DCLRE1C: variants seen among roughly 807,000 people sequenced by gnomAD.
DCLRE1C encodes protein artemis.
In DCLRE1C, 47 loss-of-function variants were observed where a neutral mutation model predicts 61.4. The ratio of observed to expected loss-of-function variants is 0.77; its 90% CI spans 0.61 to 0.98. DCLRE1C has a LOEUF of 0.98. DCLRE1C is among the 50% of genes least tolerant of loss of function. The pLI is 0.00. For missense variants in DCLRE1C, 858 were observed against 816.0 expected (o/e 1.05, Z -0.63); for synonymous variants, 337 against 287.6 (o/e 1.17, Z -1.74).
intron 1 of DCLRE1C, among the ~76,000 whole-genome samples, chr10:14,951,754 G>C (rs1352179485): frequency 1.3e-5 from 2 of 152,106 alleles, no homozygotes; most frequent in African/African-American, 4.8e-5. Context: ...TCTCTTGTAA[G>C]GAAACTAATC....
chr10:14,918,269 G>C (rs1836531250), intron 13 of DCLRE1C, among the ~76,000 whole-genome samples: 1 of 152,188 alleles, frequency 6.6e-6, no homozygotes, highest in South Asian at 2.1e-4. Flanking sequence ...GCAACTTGTA[G>C]TATATCCCTG....
At chr10:14,936,684 G>T (rs1204882519) in intron 4 of DCLRE1C, 91 bp from the exon 5 acceptor site, 1 of 850,674 alleles carries the variant, frequency 1.2e-6, no homozygotes, top group African/African-American at 1.7e-5. Flanking sequence ...ACACATTTAT[G>T]TACCTTTTAA....
chr10:14,901,096 C>G (rs754481134), downstream of DCLRE1C: 4 of 1,608,834 alleles, frequency 2.5e-6, no homozygotes, highest in South Asian at 4.4e-5. Context: ...TTGTTTACAC[C>G]GTTTGTACTT....
intron 1 of DCLRE1C, 54 bp downstream of exon 1, chr10:14,953,848 C>T: frequency 6.2e-7 from 1 of 1,608,814 alleles, no homozygotes; most frequent in Non-Finnish European, 8.5e-7. Flanking sequence ...CCCCTCCTGT[C>T]CTCTCTCCAG....
downstream of DCLRE1C, chr10:14,901,393 A>C (rs1833994357): frequency 2.6e-5 from 31 of 1,210,672 alleles, no homozygotes; most frequent in South Asian, 4.2e-4. Context: ...TAAGTTTGTC[A>C]TCCTAAGGTA....
chr10:14,945,226 C>G (rs371474159), intron 2 of DCLRE1C, 37 bp from the exon 3 acceptor site: 16 of 1,575,778 alleles, frequency 1.0e-5, no homozygotes, highest in South Asian at 4.5e-5. Flanking sequence ...CAGTACAATC[C>G]AAAATGAGCC....
intron 13 of DCLRE1C, among the ~76,000 whole-genome samples, chr10:14,917,978 A>AT (rs766984939): frequency 2.6e-5 from 4 of 152,236 alleles, no homozygotes; most frequent in Non-Finnish European, 4.4e-5. Flanking sequence ...CTGCACACCT[A>AT]TTAGGATATT....
At chr10:14,934,314 C>T in intron 8 of DCLRE1C, 66 bp downstream of exon 8, 2 of 1,562,952 alleles carry the variant, frequency 1.3e-6, no homozygotes, top group Non-Finnish European at 1.7e-6. Flanking sequence ...GGCAACATAG[C>T]AAGACTCCCT....
intron 4 of DCLRE1C, among the ~76,000 whole-genome samples, chr10:14,939,544 T>C (rs1564455727): frequency 6.6e-6 from 1 of 151,988 alleles, no homozygotes; most frequent in Non-Finnish European, 1.5e-5. Context: ...GCAACAAGTG[T>C]CTATTGTATA....
intron 10 of DCLRE1C, among the ~76,000 whole-genome samples, chr10:14,927,240 C>T (rs962957410): frequency 4.6e-5 from 7 of 151,958 alleles, no homozygotes; most frequent in African/African-American, 9.7e-5. Context: ...AAAGTTAGCT[C>T]GGCATGGTGG....
chr10:14,934,938 T>C (rs991816625), intron 6 of DCLRE1C, among the ~76,000 whole-genome samples, 163 bp from the exon 7 acceptor site: 7 of 152,138 alleles, frequency 4.6e-5, no homozygotes, highest in African/African-American at 1.7e-4. Flanking sequence ...TTCTCCTACC[T>C]CAGCCTCCCA....
intron 9 of DCLRE1C, among the ~76,000 whole-genome samples, chr10:14,929,662 T>TA: frequency 6.6e-6 from 1 of 150,866 alleles, no homozygotes; most frequent in South Asian, 2.1e-4. Flanking sequence ...TAATTCAAAT[T>TA]AAAAAGTTTT....
downstream of DCLRE1C, among the ~76,000 whole-genome samples, chr10:14,901,675 G>GA (rs1175440700): frequency 6.6e-6 from 1 of 151,464 alleles, no homozygotes; most frequent in East Asian, 1.9e-4. Flanking sequence ...TACAAAATAT[G>GA]AAAAAACTAG....
chr10:14,928,076 C>A lies in DCLRE1C; in HGVS notation c.857G>T (p.Ser286Ile), dbSNP rs1040617570. The change falls in exon 10 of 14, where the codon AGC becomes ATC. Residue 286 changes from serine (S) to isoleucine (I), a missense_variant. This residue lies in a region of DCLRE1C where 843 missense variants were observed against 783.5 expected (regional missense o/e 1.08). Coordinates refer to ENST00000378278, the MANE Select transcript of DCLRE1C (RefSeq NM_001033855.3). ...SRNRIPLHII[S>I]IKPSTMWFGE... ...AAACCACATGGTGGATGGCTTAATGCTGATTATGTGGAGTGGAATTCTATT... is the reference window on the plus strand; with the variant it reads ...AAACCACATGGTGGATGGCTTAATGATGATTATGTGGAGTGGAATTCTATT... 8.7e-6 allele frequency: 14 copies of A among 1,613,654 alleles called. No homozygotes were observed. The Admixed American group carries it at 2.3e-4, about 27-fold the overall frequency.
intron 9 of DCLRE1C, among the ~76,000 whole-genome samples, chr10:14,930,230 G>T (rs1359356289): frequency 6.9e-6 from 1 of 144,728 alleles, no homozygotes; most frequent in Non-Finnish European, 1.5e-5. Flanking sequence ...TCCCACCTCA[G>T]CTTCGTAAGT....
Position 14,922,992 on chromosome 10 carries a change from T to A in DCLRE1C, c.1050A>T (p.Lys350Asn), listed in dbSNP as rs777687129. Residue 350 changes from lysine (K) to asparagine (N), a missense_variant, in exon 12 of 14, where the codon AAA becomes AAT. This residue lies in a region of DCLRE1C where 843 missense variants were observed against 783.5 expected (regional missense o/e 1.08). Coordinates refer to ENST00000378278, the MANE Select transcript of DCLRE1C (RefSeq NM_001033855.3). ...NVIPVGTTMD[K>N]VVEILKPLCR... ...CAGTGACTACTCACATTTCGACAAC[T>A]TTATCCATAGTTGTGCCAACTGGAA... The A allele has an allele frequency of 6.2e-7, 1 of 1,613,924 alleles. No individual in the cohort carries two copies. The highest frequency in any genetic ancestry group is 2.2e-5 in the East Asian group (1 of 44,890).
intron 12 of DCLRE1C, among the ~76,000 whole-genome samples, chr10:14,920,089 T>C (rs1451723511): frequency 6.6e-6 from 1 of 152,184 alleles, no homozygotes; most frequent in Non-Finnish European, 1.5e-5. Context: ...ACCCGGTTGA[T>C]GTTTATCTTA....
intron 2 of DCLRE1C, among the ~76,000 whole-genome samples, chr10:14,946,266 C>A (rs1459383273): frequency 6.6e-6 from 1 of 152,026 alleles, no homozygotes; most frequent in East Asian, 1.9e-4. Flanking sequence ...CCTCAGCCTC[C>A]CAAAGTGATG....
At chr10:14,934,551 G>A (rs761166724) in intron 7 of DCLRE1C, 31 bp from the exon 8 acceptor site, 3 of 1,614,050 alleles carry the variant, frequency 1.9e-6, no homozygotes, top group South Asian at 2.2e-5. Flanking sequence ...ACATTTAACA[G>A]GTGGAGAGCC....
Sources: gnomAD v4.1 joint callset for allele counts (sites outside exome capture counted in the v4.1 genomes callset) on GRCh38, gnomAD v4.1.1 for gene constraint, gnomAD v4.1.1 regional missense constraint, MANE v1.5 for transcripts, NCBI Gene and HGNC (gene_info 2026-07-23, HGNC 2026-07-21) for gene names.